The following MEI4 variants were observed in gnomAD, a reference collection of about 807,000 sequenced individuals.
MEI4 encodes meiotic double-stranded break formation protein 4, also known as meiosis-specific protein MEI4.
Under a neutral mutation model 31.4 loss-of-function variants are expected in MEI4, and 27 were observed. That is an observed-to-expected ratio of 0.86 (90% confidence interval 0.63 to 1.19). MEI4 has a LOEUF of 1.19. MEI4 is among the 50% of genes most tolerant of loss of function. MEI4 has a pLI of 0.00. For missense variants in MEI4, 329 were observed against 398.9 expected (o/e 0.82, Z 1.49); for synonymous variants, 122 against 145.4 (o/e 0.84, Z 1.16).
chr6:77,657,449 T>G (rs2127641015), intron 1 of MEI4, among the ~76,000 whole-genome samples: 1 of 150,396 alleles, frequency 6.6e-6, no homozygotes, highest in Middle Eastern at 3.4e-3. Flanking sequence ...AAGCAAGCCC[T>G]TCAATTTCAC....
chr6:77,818,539 A>G (rs1769742137), intron 3 of MEI4, among the ~76,000 whole-genome samples: 2 of 152,166 alleles, frequency 1.3e-5, no homozygotes, highest in African/African-American at 4.8e-5. Context: ...AAATATACAC[A>G]AATTTTTAAA....
At chr6:77,745,587 C>G (rs1199076611) in intron 2 of MEI4, among the ~76,000 whole-genome samples, 1 of 152,110 alleles carries the variant, frequency 6.6e-6, no homozygotes, top group Non-Finnish European at 1.5e-5. Flanking sequence ...CAAGGATACC[C>G]AGGAATTGAA....
intron 3 of MEI4, among the ~76,000 whole-genome samples, chr6:77,807,124 T>G (rs1769460798): frequency 6.7e-6 from 1 of 149,850 alleles, no homozygotes; most frequent in African/African-American, 2.5e-5. Context: ...TGCTATTTCT[T>G]TGGAAATAGG....
intron 2 of MEI4, among the ~76,000 whole-genome samples, chr6:77,735,328 C>T (rs1025461043): frequency 7.3e-5 from 11 of 151,604 alleles, no homozygotes; most frequent in Non-Finnish European, 1.6e-4. Flanking sequence ...AGGCTTTGCT[C>T]ATTTCTTTTT....
At chr6:77,749,140 A>C (rs1329185850) in intron 2 of MEI4, among the ~76,000 whole-genome samples, 1 of 152,204 alleles carries the variant, frequency 6.6e-6, no homozygotes, top group African/African-American at 2.4e-5. Context: ...GACCAAAGGT[A>C]GATAAATCCA....
chr6:77,884,457 T>G (rs1771573626), intron 4 of MEI4, among the ~76,000 whole-genome samples: 1 of 152,222 alleles, frequency 6.6e-6, no homozygotes, highest in Non-Finnish European at 1.5e-5. Context: ...GCATTTCCCC[T>G]GTTTTCTTCT....
chr6:77,863,459 G>A (rs1035475642), intron 4 of MEI4, among the ~76,000 whole-genome samples: 3 of 151,882 alleles, frequency 2.0e-5, no homozygotes, highest in Non-Finnish European at 2.9e-5. Flanking sequence ...TAGCCAACTC[G>A]ATCAACTGGA....
intron 2 of MEI4, among the ~76,000 whole-genome samples, chr6:77,745,044 G>A (rs1406538283): frequency 6.6e-6 from 1 of 152,194 alleles, no homozygotes; most frequent in African/African-American, 2.4e-5. Flanking sequence ...ATTGAGGCTA[G>A]GAGGAAACTG....
chr6:77,702,981 G>T (rs1194892036), intron 2 of MEI4, among the ~76,000 whole-genome samples: 1 of 152,048 alleles, frequency 6.6e-6, no homozygotes, highest in Non-Finnish European at 1.5e-5. Flanking sequence ...ACTAGATTAG[G>T]TTCTCCTGAT....
chr6:77,656,854 A>G (rs891865691), intron 1 of MEI4, among the ~76,000 whole-genome samples: 6 of 152,176 alleles, frequency 3.9e-5, no homozygotes, highest in African/African-American at 7.2e-5. Context: ...TGATTACTAG[A>G]TAGTATTTAA....
At chr6:77,853,088 C>T (rs1358878881) in intron 4 of MEI4, among the ~76,000 whole-genome samples, 1 of 152,094 alleles carries the variant, frequency 6.6e-6, no homozygotes, top group African/African-American at 2.4e-5. Flanking sequence ...ATCCCACCTA[C>T]TTGGGAGGCT....
At chr6:77,735,804 G>T (rs893535643) in intron 2 of MEI4, among the ~76,000 whole-genome samples, 20 of 152,044 alleles carry the variant, frequency 1.3e-4, no homozygotes, top group African/African-American at 1.7e-4. Flanking sequence ...ACGTACAGAT[G>T]GGTTTTTGGT....
chr6:77,921,766 A>T, intron 4 of MEI4, among the ~76,000 whole-genome samples: 1 of 151,716 alleles, frequency 6.6e-6, no homozygotes, highest in Non-Finnish European at 1.5e-5. Flanking sequence ...GCCTAAGGAG[A>T]GTAAGGGAGA....
intron 2 of MEI4, among the ~76,000 whole-genome samples, chr6:77,709,185 T>G (rs865862753): frequency 1.3e-5 from 2 of 152,202 alleles, no homozygotes; most frequent in Non-Finnish European, 2.9e-5. Context: ...GTCAGCTATT[T>G]TTTTGTGCTT....
chr6:77,874,514 A>G (rs930108482), intron 4 of MEI4, among the ~76,000 whole-genome samples: 68 of 152,258 alleles, frequency 4.5e-4, no homozygotes, highest in Admixed American at 1.0e-3. Flanking sequence ...GGCTGAGACA[A>G]TGGGGTTTTC....
chr6:77,836,875 T>G (rs1210853664), intron 4 of MEI4, among the ~76,000 whole-genome samples: 1 of 152,054 alleles, frequency 6.6e-6, no homozygotes, highest in Non-Finnish European at 1.5e-5. Context: ...AAATAGAGAT[T>G]AGGGACCCTG....
chr6:77,769,333 T>C (rs1322338512), intron 3 of MEI4, among the ~76,000 whole-genome samples: 2 of 152,116 alleles, frequency 1.3e-5, no homozygotes, highest in Non-Finnish European at 2.9e-5. Context: ...AGGCAAATCA[T>C]CCATCCTAGC....
At chr6:77,909,305 C>G (rs147795355) in intron 4 of MEI4, among the ~76,000 whole-genome samples, 1 of 151,812 alleles carries the variant, frequency 6.6e-6, no homozygotes, top group Non-Finnish European at 1.5e-5. Context: ...ACTGATAGAC[C>G]GCTAGCAAGA....
chr6:77,799,753 C>G (rs562310764), intron 3 of MEI4, among the ~76,000 whole-genome samples: 2 of 152,210 alleles, frequency 1.3e-5, no homozygotes, highest in South Asian at 4.2e-4. Context: ...AATAGGGAAT[C>G]CTTTCCCCAT....
Sources: allele counts gnomAD v4.1 joint callset (sites outside exome capture counted in the v4.1 genomes callset), GRCh38; gene constraint gnomAD v4.1.1; transcripts MANE v1.5; gene names NCBI Gene and HGNC (gene_info 2026-07-23, HGNC 2026-07-21).